The following ZC3H12B variants were observed in gnomAD, a reference collection of about 807,000 sequenced individuals.
ZC3H12B encodes the protein probable ribonuclease ZC3H12B.
In ZC3H12B, 7 loss-of-function variants were observed where a neutral mutation model predicts 43.9. That is an observed-to-expected ratio of 0.16 (90% CI 0.09 to 0.30). The LOEUF (loss-of-function observed/expected upper bound fraction) is 0.30, where lower values mean the gene tolerates loss of function less well. ZC3H12B is among the 10% of genes least tolerant of loss of function. ZC3H12B has a pLI of 1.00. For missense variants in ZC3H12B, 475 were observed against 670.2 expected (o/e 0.71, Z 3.22); for synonymous variants, 222 against 241.7 (o/e 0.92, Z 0.76).
At chrX:65,473,996 A>T (rs1232997451) in intron 3 of ZC3H12B, among the ~76,000 whole-genome samples, 3 of 111,164 alleles carry the variant, frequency 2.7e-5, no homozygotes, top group African/African-American at 9.8e-5. Flanking sequence ...TTGTTTTGTA[A>T]TGTTTTTCAA....
intron 2 of ZC3H12B, among the ~76,000 whole-genome samples, chrX:65,370,016 G>A (rs990914426): frequency 2.7e-5 from 3 of 111,415 alleles, no homozygotes; most frequent in African/African-American, 9.8e-5. Flanking sequence ...GGAGGCCTAA[G>A]CGAGAGGATC....
chrX:65,307,509 C>G, the ZC3H12B span, among the ~76,000 whole-genome samples: 18 of 111,687 alleles, frequency 1.6e-4, no homozygotes, highest in Non-Finnish European at 3.2e-4. Context: ...AATCAAAAGT[C>G]TTGAAGAGTT....
At chrX:65,214,812 C>G in the ZC3H12B span, among the ~76,000 whole-genome samples, 1 of 111,698 alleles carries the variant, frequency 9.0e-6, no homozygotes, top group Non-Finnish European at 1.9e-5. Flanking sequence ...AGAGGAATCA[C>G]TGTCTCTGAC....
exon 1 of ZC3H12B, chrX:65,489,184 T>C: frequency 1.7e-6 from 2 of 1,211,522 alleles, no homozygotes; most frequent in Non-Finnish European, 2.2e-6. Context: ...ATTCAATCAG[T>C]GCTAAACAAG....
At chrX:65,080,049 G>A in the ZC3H12B span, among the ~76,000 whole-genome samples, 1 of 109,746 alleles carries the variant, frequency 9.1e-6, no homozygotes, top group East Asian at 2.9e-4. Context: ...TAAAAATTAA[G>A]CAGAAATTCT....
chrX:65,202,082 A>C, the ZC3H12B span, among the ~76,000 whole-genome samples: 1 of 64,222 alleles, frequency 1.6e-5, no homozygotes, highest in Non-Finnish European at 2.2e-5. Context: ...ATTACATATA[A>C]TATATGTAAT....
At chrX:65,257,732 A>C in the ZC3H12B span, among the ~76,000 whole-genome samples, 5 of 111,204 alleles carry the variant, frequency 4.5e-5, no homozygotes, top group African/African-American at 1.3e-4. Flanking sequence ...AAACAAAAAA[A>C]CCTCAGAGAC....
intron 3 of ZC3H12B, among the ~76,000 whole-genome samples, chrX:65,428,809 TGGA>T (rs927761178): frequency 1.8e-5 from 2 of 112,623 alleles, no homozygotes; most frequent in African/African-American, 3.2e-5. Context: ...AGAGGTCATT[TGGA>T]GGAGAAGGGG....
chrX:65,040,933 C>T, the ZC3H12B span, among the ~76,000 whole-genome samples: 2 of 110,572 alleles, frequency 1.8e-5, no homozygotes, highest in African/African-American at 3.3e-5. Flanking sequence ...TACAGGTGTG[C>T]GCCACCACGC....
the ZC3H12B span, among the ~76,000 whole-genome samples, chrX:65,296,348 C>T: frequency 9.7e-4 from 107 of 110,507 alleles, no homozygotes; most frequent in African/African-American, 3.3e-3. Context: ...TTTGGGGACT[C>T]GGGGAAAGGG....
chrX:65,172,322 G>T, the ZC3H12B span, among the ~76,000 whole-genome samples: 1 of 111,808 alleles, frequency 8.9e-6, no homozygotes, highest in African/African-American at 3.2e-5. Flanking sequence ...GTTCCCTGTA[G>T]ATTCTAGATA....
At chrX:65,325,599 GA>G in the ZC3H12B span, among the ~76,000 whole-genome samples, 1 of 110,620 alleles carries the variant, frequency 9.0e-6, no homozygotes, top group Non-Finnish European at 1.9e-5. Context: ...GAAAGAAATT[GA>G]AAAAAATAAG....
At chrX:65,210,934 G>T in the ZC3H12B span, among the ~76,000 whole-genome samples, 3 of 50,426 alleles carry the variant, frequency 5.9e-5, no homozygotes, top group East Asian at 1.2e-3. Flanking sequence ...TCGGGGGGAG[G>T]GGGGAGGGAT....
chrX:65,219,541 A>G, the ZC3H12B span, among the ~76,000 whole-genome samples: 9 of 111,309 alleles, frequency 8.1e-5, no homozygotes, highest in Admixed American at 1.9e-4. Context: ...ATAATTGAAC[A>G]AGTAGAAGAA....
intron 3 of ZC3H12B, among the ~76,000 whole-genome samples, chrX:65,462,502 A>G (rs2067764977): frequency 8.9e-6 from 1 of 112,169 alleles, no homozygotes; most frequent in South Asian, 3.7e-4. Context: ...CGCCGTCTCA[A>G]AAAAATAAAT....
the ZC3H12B span, among the ~76,000 whole-genome samples, chrX:65,121,818 G>T: frequency 3.6e-5 from 4 of 110,958 alleles, no homozygotes; most frequent in African/African-American, 9.8e-5. Flanking sequence ...CTTTGAATGT[G>T]TCCCAGAGAT....
the ZC3H12B span, among the ~76,000 whole-genome samples, chrX:65,158,109 T>A: frequency 9.6e-4 from 105 of 108,844 alleles, no homozygotes; most frequent in Non-Finnish European, 1.7e-3. Context: ...AACTCATCAT[T>A]TTTTATGGCT....
At chrX:65,116,432 G>A in the ZC3H12B span, among the ~76,000 whole-genome samples, 1 of 111,433 alleles carries the variant, frequency 9.0e-6, no homozygotes, top group South Asian at 3.7e-4. Flanking sequence ...CCAATACCAT[G>A]TTGTTTTGGT....
the ZC3H12B span, among the ~76,000 whole-genome samples, chrX:65,293,274 A>G: frequency 1.5e-3 from 162 of 110,680 alleles, 4 homozygotes; most frequent in East Asian, 0.045. Flanking sequence ...TTCAGTTCTC[A>G]GGAAACTTCA....
Sources: allele counts gnomAD v4.1 joint callset (sites outside exome capture counted in the v4.1 genomes callset), GRCh38; gene constraint gnomAD v4.1.1; transcripts MANE v1.5; gene names NCBI Gene and HGNC (gene_info 2026-07-23, HGNC 2026-07-21).